PLA2G12B: variants seen among roughly 807,000 people sequenced by gnomAD.
PLA2G12B encodes group XIIB secretory phospholipase A2-like protein.
A neutral mutation model predicts 22.3 loss-of-function variants in PLA2G12B; 19 were observed. The ratio of observed to expected loss-of-function variants is 0.85; its 90% CI spans 0.60 to 1.25. The LOEUF (loss-of-function observed/expected upper bound fraction) is 1.25. PLA2G12B is among the 50% of genes most tolerant of loss of function. The pLI, the probability that PLA2G12B is intolerant of heterozygous loss-of-function variation, is 0.00. For synonymous variants in PLA2G12B, 81 were observed against 94.9 expected, an observed-to-expected ratio of 0.85 and a Z score of 0.85; for missense variants, 191 against 246.6, an observed-to-expected ratio of 0.77 and a Z score of 1.51.
chr10:72,953,288 T>G (rs59035627), intron 1 of PLA2G12B, among the ~76,000 whole-genome samples: 10,331 of 152,250 alleles, frequency 0.068, 385 homozygotes, highest in Middle Eastern at 0.16. Context: ...TGGGTCCTGA[T>G]GCAATGATTA....
Position 72,934,887 on chromosome 10 carries a change from T to C in PLA2G12B, c.*730A>G, listed in dbSNP as rs1846257681. On this transcript the variant is annotated 3_prime_UTR_variant, in exon 4 of 4. Transcript: ENST00000373032. ...CCTAGCTAGCTCCATCAGTAACTCTTAGCAAGTACATCTCAGATCTTAGCA... is the reference window on the plus strand; with the variant it reads ...CCTAGCTAGCTCCATCAGTAACTCTCAGCAAGTACATCTCAGATCTTAGCA... 6.6e-6 allele frequency among the ~76,000 whole-genome samples: 1 copy of C among 152,168 alleles called. No homozygotes were observed. The highest frequency in any genetic ancestry group is 1.5e-5 in the Non-Finnish European group (1 of 68,024).
At chr10:72,944,377 C>A (rs1846408973) in intron 1 of PLA2G12B, among the ~76,000 whole-genome samples, 1 of 152,138 alleles carries the variant, frequency 6.6e-6, no homozygotes, top group African/African-American at 2.4e-5. Flanking sequence ...CACTTCGTAT[C>A]ATTCTGCAAA....
intron 3 of PLA2G12B, among the ~76,000 whole-genome samples, 168 bp downstream of exon 3, chr10:72,941,001 G>A (rs1846351209): frequency 2.0e-5 from 3 of 152,112 alleles, no homozygotes; most frequent in Non-Finnish European, 4.4e-5. Context: ...TTGAGTGAAG[G>A]AGTGCCCAGA....
chr10:72,951,681 G>C (rs183675001), intron 1 of PLA2G12B, among the ~76,000 whole-genome samples: 1 of 151,980 alleles, frequency 6.6e-6, no homozygotes. Flanking sequence ...GGATGGTCTC[G>C]ATCTCCTGAC....
chr10:72,943,292 G>A (rs1846391124), intron 1 of PLA2G12B, among the ~76,000 whole-genome samples: 1 of 152,110 alleles, frequency 6.6e-6, no homozygotes, highest in Admixed American at 6.6e-5. Flanking sequence ...CATTTCTAAT[G>A]TTTTTTAAGT....
At chr10:72,940,436 C>T (rs571148170) in intron 3 of PLA2G12B, among the ~76,000 whole-genome samples, 1 of 138,266 alleles carries the variant, frequency 7.2e-6, no homozygotes, top group Non-Finnish European at 1.5e-5. Flanking sequence ...CCTTGCTGGG[C>T]GCGGTGGCTC....
At chr10:72,935,880 TG>T in intron 3 of PLA2G12B, 142 bp from the exon 4 acceptor site, 1 of 1,207,766 alleles carries the variant, frequency 8.3e-7, no homozygotes, top group Non-Finnish European at 1.1e-6. Flanking sequence ...TTTCAGAGAA[TG>T]TTCTCAGAAA....
intron 1 of PLA2G12B, among the ~76,000 whole-genome samples, chr10:72,952,106 G>T (rs1846540914): frequency 6.6e-6 from 1 of 152,186 alleles, no homozygotes; most frequent in South Asian, 2.1e-4. Context: ...TGATTTAATT[G>T]ATTTGGTGCC....
intron 1 of PLA2G12B, among the ~76,000 whole-genome samples, chr10:72,953,060 G>A (rs759302477): frequency 6.6e-6 from 1 of 152,114 alleles, no homozygotes; most frequent in Admixed American, 6.5e-5. Flanking sequence ...TGTCCCATCC[G>A]TGCAAACAGT....
intron 1 of PLA2G12B, among the ~76,000 whole-genome samples, chr10:72,948,741 T>C (rs966953308): frequency 2.6e-5 from 4 of 152,226 alleles, no homozygotes; most frequent in Non-Finnish European, 5.9e-5. Context: ...CTAATCTTGA[T>C]GTGAGGATGA....
Position 72,950,442 on chromosome 10 carries a change from C to A in PLA2G12B, c.211+4033G>T, listed in dbSNP as rs1277722519. Among the ~76,000 whole-genome samples the A allele has an allele frequency of 2.6e-5, 4 of 152,206 alleles. No homozygotes were observed. In the East Asian group the frequency reaches 5.8e-4, roughly 22 times the overall value. ...TGCTGTAAAACTTCAGATAAAAATT[C>A]TCTTTAAAAAATAGACTGATATTTA... On this transcript the variant is annotated intron_variant, in intron 1 of 3. Transcript: ENST00000373032.
intron 3 of PLA2G12B, 83 bp downstream of exon 3, chr10:72,941,086 G>A (rs1235034562): frequency 2.2e-6 from 3 of 1,387,152 alleles, no homozygotes; most frequent in Middle Eastern, 2.3e-4. Flanking sequence ...TGATCTCTTC[G>A]AGTCAAGGGG....
At chr10:72,945,765 A>G (rs1257357508) in intron 1 of PLA2G12B, among the ~76,000 whole-genome samples, 2 of 151,892 alleles carry the variant, frequency 1.3e-5, no homozygotes, top group Non-Finnish European at 2.9e-5. Flanking sequence ...CTCCTGCATC[A>G]GCCTCCTGAG....
intron 1 of PLA2G12B, among the ~76,000 whole-genome samples, chr10:72,950,195 C>T (rs144546840): frequency 6.6e-6 from 1 of 152,134 alleles, no homozygotes; most frequent in Non-Finnish European, 1.5e-5. Flanking sequence ...TGGTACCCGT[C>T]CCGGTGTTAG....
At chr10:72,942,540 T>A (rs1846379391) in intron 2 of PLA2G12B, 112 bp downstream of exon 2, 1 of 831,578 alleles carries the variant, frequency 1.2e-6, no homozygotes, top group Admixed American at 3.4e-5. Flanking sequence ...TTAAAATACT[T>A]AATTGTATTC....
rs567089031 is a variant in PLA2G12B, at chr10:72,939,399, A to T, written c.466+1770T>A. Among the ~76,000 whole-genome samples the T allele has an allele frequency of 5.3e-5, 8 of 151,018 alleles. No homozygotes were observed. The South Asian group carries it at 1.7e-3, about 31-fold the overall frequency. On this transcript the variant is annotated intron_variant, in intron 3 of 3. Coordinates refer to ENST00000373032, the MANE Select transcript of PLA2G12B (RefSeq NM_032562.5). ...ATTTCTGAGCCTACTGAGGCCCATA[A>T]GGAAAAATCAAATATTCTGTGATAA...
rs201892843 is a variant in PLA2G12B, at chr10:72,947,961, G to A, written c.212-5221C>T. On this transcript the variant is annotated intron_variant, in intron 1 of 3. Coordinates refer to ENST00000373032, the MANE Select transcript of PLA2G12B (RefSeq NM_032562.5). ...AGCGTTTCAGCTCACTACAACCTCC[G>A]CCTCCTGTGTTCAAGCCATTCTCCT... Among the ~76,000 whole-genome samples, 15 of 152,184 alleles carry A rather than the reference G, an allele frequency of 9.9e-5. No individual in the cohort carries two copies. In the East Asian group the frequency reaches 1.4e-3, roughly 14 times the overall value.
chr10:72,940,586 C>T (rs1296567797), intron 3 of PLA2G12B, among the ~76,000 whole-genome samples: 4 of 152,032 alleles, frequency 2.6e-5, no homozygotes, highest in African/African-American at 9.7e-5. Context: ...GCACAGGAAT[C>T]GCTTGAACCC....
intron 3 of PLA2G12B, 125 bp from the exon 4 acceptor site, chr10:72,935,863 G>T: frequency 7.8e-7 from 1 of 1,276,388 alleles, no homozygotes; most frequent in Non-Finnish European, 1.1e-6. Flanking sequence ...CAAAGGAAGA[G>T]CATCCATTTC....
Sources: allele counts gnomAD v4.1 joint callset (sites outside exome capture counted in the v4.1 genomes callset), GRCh38; gene constraint gnomAD v4.1.1; transcripts MANE v1.5; gene names NCBI Gene and HGNC (gene_info 2026-07-23, HGNC 2026-07-21).